CXCL13: variants seen among roughly 807,000 people sequenced by gnomAD.
CXCL13 encodes C-X-C motif chemokine 13.
In CXCL13, 7 loss-of-function variants were observed where a neutral mutation model predicts 12.2. The ratio of observed to expected loss-of-function variants is 0.57; its 90% CI spans 0.33 to 1.07. The LOEUF is 1.07. Among genes scored for constraint, CXCL13 ranks in the 50% least tolerant of loss-of-function variants. CXCL13 has a pLI of 0.04. For synonymous variants in CXCL13, 47 were observed against 42.4 expected (o/e 1.11, Z -0.42); for missense variants, 113 against 127.4 (o/e 0.89, Z 0.55).
At chr4:77,543,862 A>G (rs553665484) in intron 1 of CXCL13, among the ~76,000 whole-genome samples, 1 of 152,072 alleles carries the variant, frequency 6.6e-6, no homozygotes, top group South Asian at 2.1e-4. Flanking sequence ...CTCGTCATTT[A>G]CATTAGGTAT....
chr4:77,528,509 TG>T (rs1208933382), intron 1 of CXCL13, among the ~76,000 whole-genome samples: 19 of 152,250 alleles, frequency 1.2e-4, no homozygotes, highest in Admixed American at 1.1e-3. Context: ...GGTTTTGATT[TG>T]CATTTCTCTG....
At chr4:77,538,511 A>T (rs1266527699) in intron 1 of CXCL13, among the ~76,000 whole-genome samples, 2 of 151,040 alleles carry the variant, frequency 1.3e-5, no homozygotes, top group Non-Finnish European at 2.9e-5. Context: ...CCCACCCTCA[A>T]CTTCCACTTC....
upstream of CXCL13, chr4:77,605,723 T>G (rs1726987015): frequency 4.5e-6 from 2 of 441,634 alleles, no homozygotes; most frequent in African/African-American, 4.0e-5. Flanking sequence ...ATTTGGGGGC[T>G]TTTAAAGCTG....
rs564102105 is a variant in CXCL13 at position 77,578,348 on chromosome 4, GC to G, written c.-42-27474del. 1.6e-4 allele frequency among the ~76,000 whole-genome samples: 25 copies of G among 152,308 alleles called. No individual in the cohort carries two copies. In the East Asian group the frequency reaches 4.6e-3, roughly 28 times the overall value. ...GCCCTCTGAGGGAGCTCTGACTTCT[GC>G]CTTCCCAAAACAGCGCCCCCTGTCA... On this transcript the variant is annotated intron_variant, in intron 1 of 4. Coordinates refer to the CXCL13 transcript ENST00000286758.
At chr4:77,522,357 T>A (rs932113627) in intron 1 of CXCL13, among the ~76,000 whole-genome samples, 5 of 152,008 alleles carry the variant, frequency 3.3e-5, no homozygotes, top group Admixed American at 3.3e-4. Flanking sequence ...GCTTTATGAA[T>A]CTGGGTGCTC....
In CXCL13 at chr4:77,610,701, T is replaced by A. The variant is rs1353866077; in HGVS notation, c.278+7T>A. On this transcript the variant is annotated splice_region_variant and intron_variant, in intron 3 of 3. Coordinates refer to ENST00000682537, the MANE Select transcript of CXCL13 (RefSeq NM_001371558.1). ...TGATGGAAGTATTGAGAAAGTAAGT[T>A]AGGCATAACAAGGGGTTTCAGATTC... 1 of 1,604,774 alleles carries A rather than the reference T, an allele frequency of 6.2e-7. No homozygotes were observed.
chr4:77,606,308 A>C (rs1727002858), intron 1 of CXCL13, among the ~76,000 whole-genome samples: 1 of 152,106 alleles, frequency 6.6e-6, no homozygotes, highest in African/African-American at 2.4e-5. Context: ...ATTGAACTCT[A>C]CTGGTCTCTT....
chr4:77,519,702 G>A (rs894187848), intron 1 of CXCL13, among the ~76,000 whole-genome samples: 35 of 152,164 alleles, frequency 2.3e-4, no homozygotes, highest in African/African-American at 8.4e-4. Flanking sequence ...TTGCTGTGCA[G>A]AAGATCTTTA....
At chr4:77,584,179 A>G (rs1726400030) in intron 1 of CXCL13, among the ~76,000 whole-genome samples, 1 of 152,208 alleles carries the variant, frequency 6.6e-6, no homozygotes, top group Admixed American at 6.5e-5. Context: ...TAGTCTTTAA[A>G]TATCATTCCT....
chr4:77,518,131 C>T (rs988163118), intron 1 of CXCL13, among the ~76,000 whole-genome samples: 4 of 152,202 alleles, frequency 2.6e-5, no homozygotes, highest in Non-Finnish European at 5.9e-5. Context: ...CCCCCACTCT[C>T]TTCTGGCTTG....
chr4:77,512,626 C>A (rs1172097936), intron 1 of CXCL13, among the ~76,000 whole-genome samples: 1 of 152,102 alleles, frequency 6.6e-6, no homozygotes, highest in Non-Finnish European at 1.5e-5. Context: ...AGGGCCCATC[C>A]TGATGATCTC....
intron 1 of CXCL13, among the ~76,000 whole-genome samples, chr4:77,543,382 C>A (rs544674979): frequency 6.6e-6 from 1 of 151,784 alleles, no homozygotes. Flanking sequence ...GAGTTTAGTT[C>A]TTTTCTTCTG....
intron 1 of CXCL13, among the ~76,000 whole-genome samples, chr4:77,545,021 T>A (rs776193005): frequency 7.2e-5 from 11 of 152,334 alleles, no homozygotes; most frequent in South Asian, 2.1e-4. Context: ...CCCCATTTCT[T>A]GTTTTTGTCA....
chr4:77,605,783 G>T, upstream of CXCL13: 1 of 776,838 alleles, frequency 1.3e-6, no homozygotes, highest in South Asian at 2.4e-5. Context: ...GGCCCTTACT[G>T]GTATAAATAA....
intron 1 of CXCL13, among the ~76,000 whole-genome samples, chr4:77,519,981 C>G (rs574263886): frequency 6.6e-6 from 1 of 152,300 alleles, no homozygotes; most frequent in East Asian, 1.9e-4. Flanking sequence ...AATGCTTTCT[C>G]CATTTCTTGT....
Position 77,555,048 on chromosome 4 carries a change from AAAGT to A in CXCL13, c.-43+43270_-43+43273del, listed in dbSNP as rs564402732. On this transcript the variant is annotated intron_variant, in intron 1 of 4. Coordinates refer to the CXCL13 transcript ENST00000286758. The stretch of plus-strand genomic sequence containing the variant: ...AAAAACAGAAGAACAAATTGAACCC[AAAGT>A]AAGTAAGTAGAAGGTAAGAAATAAA... 7.7e-3 allele frequency among the ~76,000 whole-genome samples: 1,173 copies of A among 152,136 alleles called. 6 individuals are homozygous for A. Among genetic ancestry groups the A allele is most frequent in the Non-Finnish European group, 0.012 (794 of 67,908 alleles).
chr4:77,567,966 CT>C (rs957755003), intron 1 of CXCL13, among the ~76,000 whole-genome samples: 1 of 152,204 alleles, frequency 6.6e-6, no homozygotes, highest in Non-Finnish European at 1.5e-5. Flanking sequence ...CTTTCCTTTA[CT>C]TTCTTAATAA....
At position 77,560,948 on chromosome 4, in the gene CXCL13, C is replaced by T. The variant is rs1578054230; in HGVS notation, c.-42-44876C>T. 3.3e-5 allele frequency among the ~76,000 whole-genome samples: 5 copies of T among 152,282 alleles called. No homozygotes were observed. In the South Asian group the frequency reaches 1.0e-3, roughly 32 times the overall value. The stretch of plus-strand genomic sequence containing the variant: ...TTATCTATCCTATATATTTGTCACT[C>T]TGCACTTCCTCTCTTGCATAGCTCT... On this transcript the variant is annotated intron_variant, in intron 1 of 4. Transcript: ENST00000286758.
At chr4:77,527,104 G>A (rs949253456) in intron 1 of CXCL13, among the ~76,000 whole-genome samples, 4 of 152,118 alleles carry the variant, frequency 2.6e-5, no homozygotes, top group Non-Finnish European at 4.4e-5. Context: ...ACATTTCACC[G>A]AAGAAGACCT....
Sources: allele counts gnomAD v4.1 joint callset (sites outside exome capture counted in the v4.1 genomes callset), GRCh38; gene constraint gnomAD v4.1.1; transcripts MANE v1.5; gene names NCBI Gene and HGNC (gene_info 2026-07-23, HGNC 2026-07-21).